SECISBP2: variants seen among roughly 807,000 people sequenced by gnomAD.
The protein encoded by SECISBP2 is selenocysteine insertion sequence-binding protein 2.
Under a neutral mutation model 98.2 loss-of-function variants are expected in SECISBP2, and 96 were observed. The observed-to-expected ratio is 0.98, with a 90% CI of 0.83 to 1.16. The LOEUF (loss-of-function observed/expected upper bound fraction) is 1.16. SECISBP2 is among the 50% of genes most tolerant of loss of function. The probability of loss-of-function intolerance (pLI) is 0.00; values close to 1 mark genes in which losing one functional copy is unlikely to be tolerated. For missense variants in SECISBP2, 1,046 were observed against 1,022.9 expected, an observed-to-expected ratio of 1.02 and a Z score of -0.31; for synonymous variants, 407 against 370.2, an observed-to-expected ratio of 1.10 and a Z score of -1.14.
At chr9:89,338,614 A>G (rs1343092548) in intron 8 of SECISBP2, 34 bp downstream of exon 8, 5 of 1,600,324 alleles carry the variant, frequency 3.1e-6, no homozygotes, top group African/African-American at 1.3e-5. Flanking sequence ...ATGGTGTGAT[A>G]TAATAAGTGG....
downstream of SECISBP2, chr9:89,363,956 G>T: frequency 6.2e-7 from 1 of 1,614,026 alleles, no homozygotes; most frequent in Non-Finnish European, 8.5e-7. Context: ...AGGACCTGGG[G>T]ACACAGACCG....
chr9:89,345,810 G>C (rs76940953), intron 10 of SECISBP2, among the ~76,000 whole-genome samples: 1 of 152,138 alleles, frequency 6.6e-6, no homozygotes, highest in Non-Finnish European at 1.5e-5. Context: ...GAAGAGCTGA[G>C]AAAAACAATT....
In SECISBP2 at chr9:89,353,312, G is replaced by T. The variant is rs540723406; in HGVS notation, c.2113+2460G>T. ...GCTTCCATGTTGGAAGTGCCCCTGGGTGTCTCTGTCTCCCCTAGGGCTGGT... is the reference window on the plus strand; with the variant it reads ...GCTTCCATGTTGGAAGTGCCCCTGGTTGTCTCTGTCTCCCCTAGGGCTGGT... On this transcript the variant is annotated intron_variant, in intron 14 of 16. Transcript: ENST00000375807. Among the ~76,000 whole-genome samples the T allele has an allele frequency of 2.9e-4, 44 of 152,280 alleles. No homozygotes were observed. In the South Asian group the frequency reaches 8.9e-3, roughly 31 times the overall value.
chr9:89,363,266 T>TC (rs1564475660), downstream of SECISBP2, among the ~76,000 whole-genome samples: 17 of 142,734 alleles, frequency 1.2e-4, no homozygotes, highest in African/African-American at 3.8e-4. Flanking sequence ...GACGTGGGAT[T>TC]TCCCCCCCCA....
intron 16 of SECISBP2, among the ~76,000 whole-genome samples, chr9:89,358,410 A>G (rs138621935): frequency 4.7e-4 from 72 of 152,264 alleles, no homozygotes; most frequent in African/African-American, 1.5e-3. Context: ...TCTTTTGACA[A>G]TGGGTGGCCT....
Position 89,349,763 on chromosome 9 carries a change from T to C in SECISBP2, c.1739-13T>C. ...CTCACAGATATCTGATGATGCCTTT[T>C]TCCTCCATGAAGGGCCAGAGGGGAT... On this transcript the variant is annotated splice_polypyrimidine_tract_variant and intron_variant, in intron 12 of 16. Transcript: ENST00000375807. 2 of 1,613,998 alleles carry C rather than the reference T, an allele frequency of 1.2e-6. No individual in the cohort carries two copies. The highest frequency in any genetic ancestry group is 1.7e-6 in the Non-Finnish European group (2 of 1,180,028).
chr9:89,342,466 T>C (rs537243307), intron 10 of SECISBP2, among the ~76,000 whole-genome samples: 2 of 152,322 alleles, frequency 1.3e-5, no homozygotes, highest in Middle Eastern at 3.4e-3. Flanking sequence ...TTAGACACTT[T>C]TACACTGGGG....
rs140996041 is a variant in SECISBP2, at chr9:89,349,881, C to T, written c.1844C>T (p.Ala615Val). Residue 615 changes from alanine (A) to valine (V), a missense_variant, in exon 13 of 17, where the codon GCT (alanine) becomes GTT (valine). Coordinates refer to ENST00000375807, the MANE Select transcript of SECISBP2 (RefSeq NM_024077.5). ...LQRDTEASHL[A>V]PNHTTFPKIH... ...AGGGACACAGAGGCCTCCCACCTTG[C>T]TCCCAATCACACCACCTTCCCTAAG... is the stretch of plus-strand genomic sequence containing the variant. 30 of 1,614,122 alleles carry T rather than the reference C, an allele frequency of 1.9e-5. No homozygotes were observed. Among genetic ancestry groups the T allele is most frequent in the Non-Finnish European group, 2.5e-5 (30 of 1,180,048 alleles).
rs1475800860 is a variant in SECISBP2 at position 89,319,659 on chromosome 9, A to G, written c.44A>G (p.Lys15Arg). ...CCTCATATTTTTCCTCAGGGCATCA[A>G]GTTATCAGCAGATGTCAAACCATTT... ...GPREPESEGI[K>R]LSADVKPFVP... The change falls in exon 2 of 17, where the codon AAG becomes AGG. Residue 15 changes from lysine (K) to arginine (R), a missense_variant. Lys to Arg is a conservative substitution (Grantham distance 26). Transcript: ENST00000375807. 3.1e-6 allele frequency: 5 copies of G among 1,614,218 alleles called. No individual in the cohort carries two copies. Among genetic ancestry groups the G allele is most frequent in the Admixed American group, 1.7e-5 (1 of 60,020 alleles).
intron 2 of SECISBP2, chr9:89,322,445 C>T (rs1197306258): frequency 6.6e-6 from 1 of 152,218 alleles, no homozygotes; most frequent in East Asian, 1.9e-4. Context: ...ATAGTTACTA[C>T]AATCCATGAG....
downstream of SECISBP2, chr9:89,361,349 C>T (rs1477348806): frequency 6.6e-6 from 1 of 152,226 alleles, no homozygotes; most frequent in East Asian, 1.9e-4. Flanking sequence ...AGGTCATTGT[C>T]ACACTGCTGG....
chr9:89,362,352 G>T (rs1306834539), downstream of SECISBP2: 1 of 1,614,050 alleles, frequency 6.2e-7, no homozygotes, highest in Non-Finnish European at 8.5e-7. Context: ...GTCAGTGGCA[G>T]CAGGGTCTTG....
At chr9:89,354,958 T>C in intron 14 of SECISBP2, 1 of 985,356 alleles carries the variant, frequency 1.0e-6, no homozygotes, top group Non-Finnish European at 1.2e-6. Flanking sequence ...CTATCTCCCC[T>C]TTTCCCAGCC....
Position 89,332,900 on chromosome 9 carries a change from C to G in SECISBP2, c.802-8C>G. On this transcript the variant is annotated splice_polypyrimidine_tract_variant and splice_region_variant and intron_variant, in intron 5 of 16. Coordinates refer to ENST00000375807, the MANE Select transcript of SECISBP2 (RefSeq NM_024077.5). ...TCTCTGATGACATCTAATGTGTTTG[C>G]TTTTTAGGGTGAAATAGTGGTGAAA... is the stretch of plus-strand genomic sequence containing the variant. 1 of 1,610,644 alleles carries G rather than the reference C, an allele frequency of 6.2e-7. No homozygotes were observed. Among genetic ancestry groups the G allele is most frequent in the East Asian group, 2.2e-5 (1 of 44,786 alleles).
rs967665744 is a variant in SECISBP2 at position 89,354,720 on chromosome 9, C to T, written c.2114-2691C>T. ...CAAGGGCCAACCTGACAGGCAGCCT[C>T]GAGAGGACAGCAGCCAAGCCTGCTC... On this transcript the variant is annotated intron_variant, in intron 14 of 16. Transcript: ENST00000375807. 1.5e-5 allele frequency: 15 copies of T among 971,048 alleles called. 1 individual carries two copies. Among genetic ancestry groups the T allele is most frequent in the Admixed American group, 1.2e-4 (2 of 16,260 alleles). 60.2% of individuals were successfully genotyped at this position (971,048 alleles called of 1,614,324 possible). A position where few individuals can be genotyped will look rare whatever the true frequency, so the allele number is the denominator to read the frequency against.
At chr9:89,349,706 A>C in intron 12 of SECISBP2, 70 bp from the exon 13 acceptor site, 1 of 1,562,154 alleles carries the variant, frequency 6.4e-7, no homozygotes. Flanking sequence ...GTGAGACTGC[A>C]TTGGGCCAGC....
At chr9:89,352,670 C>T (rs1831465479) in intron 14 of SECISBP2, among the ~76,000 whole-genome samples, 1 of 152,144 alleles carries the variant, frequency 6.6e-6, no homozygotes, top group African/African-American at 2.4e-5. Flanking sequence ...GGTCGGGCCT[C>T]CTGGACTGGT....
downstream of SECISBP2, chr9:89,360,938 TC>T (rs1324886958): frequency 2.0e-5 from 3 of 152,180 alleles, no homozygotes; most frequent in Non-Finnish European, 2.9e-5. Flanking sequence ...GTGCTTGAAA[TC>T]CAGACTTCAG....
intron 10 of SECISBP2, among the ~76,000 whole-genome samples, chr9:89,344,656 C>T (rs905376044): frequency 6.6e-5 from 10 of 152,128 alleles, no homozygotes; most frequent in African/African-American, 2.4e-4. Context: ...TTTTAGAGTA[C>T]ACTTTTGATT....
Sources: gnomAD v4.1 joint callset for allele counts (sites outside exome capture counted in the v4.1 genomes callset) on GRCh38, gnomAD v4.1.1 for gene constraint, MANE v1.5 for transcripts, NCBI Gene and HGNC (gene_info 2026-07-23, HGNC 2026-07-21) for gene names.